Variants in RIMS2 observed in about 807,000 individuals in gnomAD.
RIMS2 encodes the protein regulating synaptic membrane exocytosis 2, also known as regulating synaptic membrane exocytosis protein 2.
Under a neutral mutation model 174.4 loss-of-function variants are expected in RIMS2, and 59 were observed. The ratio of observed to expected loss-of-function variants is 0.34; its 90% CI spans 0.27 to 0.42. The LOEUF (loss-of-function observed/expected upper bound fraction) is 0.42, where lower values mean the gene tolerates loss of function less well. RIMS2 is among the 10% of genes least tolerant of loss of function. The pLI is 1.00. For missense variants in RIMS2, 1,620 were observed against 1,666.3 expected (o/e 0.97, Z 0.48); for synonymous variants, 606 against 572.5 (o/e 1.06, Z -0.84).
chr8:103,521,429 A>G (rs901688244), intron 1 of RIMS2, among the ~76,000 whole-genome samples: 1 of 152,024 alleles, frequency 6.6e-6, no homozygotes, highest in Non-Finnish European at 1.5e-5. Flanking sequence ...CAGTTATGGT[A>G]TATATACAGT....
chr8:103,726,004 G>A (rs2097523779), intron 2 of RIMS2, among the ~76,000 whole-genome samples: 1 of 152,008 alleles, frequency 6.6e-6, no homozygotes, highest in Non-Finnish European at 1.5e-5. Flanking sequence ...TTAAATTTGG[G>A]TTGTTTGTCT....
intron 20 of RIMS2, among the ~76,000 whole-genome samples, chr8:104,248,414 G>C (rs73302974): frequency 0.025 from 3,846 of 152,246 alleles, 137 homozygotes; most frequent in African/African-American, 0.079. Flanking sequence ...TATGTGCTGA[G>C]TGTTACTCAT....
At chr8:104,167,494 G>C (rs1212497138) in intron 19 of RIMS2, among the ~76,000 whole-genome samples, 2 of 151,756 alleles carry the variant, frequency 1.3e-5, no homozygotes, top group Non-Finnish European at 2.9e-5. Flanking sequence ...AATTGTCTAT[G>C]TTTTCTGACC....
chr8:103,663,184 A>AT (rs1209935485), intron 1 of RIMS2, among the ~76,000 whole-genome samples: 159 of 138,338 alleles, frequency 1.1e-3, no homozygotes, highest in African/African-American at 3.9e-3. Context: ...AAAAAAAAAA[A>AT]TTTTTTTTCT....
At chr8:103,961,173 G>A in intron 15 of RIMS2, 40 bp downstream of exon 17, 1 of 863,866 alleles carries the variant, frequency 1.2e-6, no homozygotes, top group Non-Finnish European at 2.0e-6. Flanking sequence ...TAAAAAGGGA[G>A]TGCAATTCAT....
chr8:103,876,883 TA>T (rs1381064763), intron 3 of RIMS2, among the ~76,000 whole-genome samples: 1,528 of 43,968 alleles, frequency 0.035, 67 homozygotes, highest in Non-Finnish European at 0.062. Flanking sequence ...TATATATATA[TA>T]TATATATATA....
At chr8:103,819,429 T>C (rs1448079399) in intron 3 of RIMS2, 2 of 1,590,042 alleles carry the variant, frequency 1.3e-6, no homozygotes. Context: ...GTGTTTTTAT[T>C]TGATGGTGTC....
chr8:103,789,873 G>A (rs555799038), intron 3 of RIMS2, among the ~76,000 whole-genome samples: 23 of 149,360 alleles, frequency 1.5e-4, no homozygotes, highest in Admixed American at 8.8e-4. Context: ...CCTCCTCAGC[G>A]TCCCAAATAG....
chr8:103,505,336 A>G (rs1822950180), intron 1 of RIMS2, among the ~76,000 whole-genome samples: 1 of 152,094 alleles, frequency 6.6e-6, no homozygotes, highest in Non-Finnish European at 1.5e-5. Flanking sequence ...GATGGATGTA[A>G]ACGTAAAAAC....
chr8:103,679,440 T>C (rs2096852959), intron 1 of RIMS2, among the ~76,000 whole-genome samples: 1 of 152,002 alleles, frequency 6.6e-6, no homozygotes, highest in African/African-American at 2.4e-5. Flanking sequence ...GAAATCCTAG[T>C]AAACAAACTT....
chr8:103,896,401 G>C (rs16870816), intron 4 of RIMS2, among the ~76,000 whole-genome samples: 60,931 of 151,246 alleles, frequency 0.4, 13,313 homozygotes, highest in Non-Finnish European at 0.45. Context: ...TGGAAGCAAC[G>C]CTAGGTAAGA....
intron 1 of RIMS2, among the ~76,000 whole-genome samples, chr8:103,682,064 CT>C (rs2096886734): frequency 6.6e-6 from 1 of 151,980 alleles, no homozygotes; most frequent in Non-Finnish European, 1.5e-5. Context: ...CACCATTTTA[CT>C]GATATGGGGA....
intron 1 of RIMS2, among the ~76,000 whole-genome samples, chr8:103,606,061 C>T (rs924223505): frequency 6.8e-6 from 1 of 146,338 alleles, no homozygotes; most frequent in Non-Finnish European, 1.5e-5. Flanking sequence ...TGTGTTTGCT[C>T]TTGCTTTTCT....
At chr8:103,750,587 C>T (rs1036995528) in intron 2 of RIMS2, among the ~76,000 whole-genome samples, 1 of 152,060 alleles carries the variant, frequency 6.6e-6, no homozygotes. Context: ...ATAATCCCCA[C>T]GTGTCAAGTG....
intron 2 of RIMS2, among the ~76,000 whole-genome samples, chr8:103,764,680 A>G (rs1324008446): frequency 1.3e-5 from 2 of 152,150 alleles, no homozygotes; most frequent in Admixed American, 6.5e-5. Context: ...ACATATATTG[A>G]TATTATTTAT....
intron 19 of RIMS2, among the ~76,000 whole-genome samples, chr8:104,038,661 A>G (rs1297561403): frequency 6.6e-6 from 1 of 151,908 alleles, no homozygotes; most frequent in Non-Finnish European, 1.5e-5. Context: ...TATATGCAAA[A>G]TAAATACTTA....
chr8:104,037,471 G>A (rs370452457), intron 19 of RIMS2, among the ~76,000 whole-genome samples: 1 of 152,304 alleles, frequency 6.6e-6, no homozygotes, highest in East Asian at 1.9e-4. Context: ...AGTACCAAGT[G>A]TATGCCTGTT....
At chr8:103,584,642 G>A (rs1345635084) in intron 1 of RIMS2, among the ~76,000 whole-genome samples, 2 of 152,126 alleles carry the variant, frequency 1.3e-5, no homozygotes, top group African/African-American at 4.8e-5. Flanking sequence ...GTTTGTTTAT[G>A]CAAATAGTGC....
At chr8:104,070,802 G>A (rs2097183210) in intron 19 of RIMS2, among the ~76,000 whole-genome samples, 1 of 152,008 alleles carries the variant, frequency 6.6e-6, no homozygotes, top group Non-Finnish European at 1.5e-5. Flanking sequence ...TGTCAGTGAA[G>A]AAAAGATCAA....
Sources: gnomAD v4.1 joint callset for allele counts (sites outside exome capture counted in the v4.1 genomes callset) on GRCh38, gnomAD v4.1.1 for gene constraint, MANE v1.5 for transcripts, NCBI Gene and HGNC (gene_info 2026-07-23, HGNC 2026-07-21) for gene names.